NREP: variants seen among roughly 807,000 people sequenced by gnomAD.
The protein encoded by NREP is neuronal regeneration-related protein.
In NREP, 5 loss-of-function variants were observed where a neutral mutation model predicts 8.6. The ratio of observed to expected loss-of-function variants is 0.58; its 90% CI spans 0.30 to 1.22. The LOEUF (loss-of-function observed/expected upper bound fraction) is 1.22, where lower values mean the gene tolerates loss of function less well. NREP is among the 50% of genes most tolerant of loss of function. The probability of loss-of-function intolerance (pLI) is 0.07; values close to 1 mark genes in which losing one functional copy is unlikely to be tolerated. For missense variants in NREP, 86 were observed against 82.5 expected, an observed-to-expected ratio of 1.04 and a Z score of -0.17; for synonymous variants, 27 against 28.0, an observed-to-expected ratio of 0.96 and a Z score of 0.11.
At chr5:111,966,123 A>C (rs1400361995) in intron 2 of NREP, among the ~76,000 whole-genome samples, 2 of 152,202 alleles carry the variant, frequency 1.3e-5, no homozygotes, top group Non-Finnish European at 2.9e-5. Context: ...AAAGATTCAG[A>C]TCTCTCAGGA....
At chr5:111,916,480 C>A (rs371550726) in intron 2 of NREP, among the ~76,000 whole-genome samples, 75 of 152,180 alleles carry the variant, frequency 4.9e-4, no homozygotes, top group African/African-American at 1.8e-3. Flanking sequence ...AGATGGAGTA[C>A]CCTATCATCA....
chr5:111,910,925 A>T (rs944986653), intron 2 of NREP, among the ~76,000 whole-genome samples: 4 of 152,062 alleles, frequency 2.6e-5, no homozygotes, highest in Non-Finnish European at 4.4e-5. Context: ...CCTTCTTGGT[A>T]CTAGAAGCTT....
intron 2 of NREP, among the ~76,000 whole-genome samples, chr5:111,814,310 T>A (rs918878749): frequency 4.6e-5 from 7 of 152,148 alleles, no homozygotes; most frequent in African/African-American, 1.4e-4. Context: ...AAATGTTTAA[T>A]CAAGATACAA....
chr5:111,848,665 G>A (rs1753237469), intron 2 of NREP, among the ~76,000 whole-genome samples: 1 of 142,554 alleles, frequency 7.0e-6, no homozygotes, highest in African/African-American at 2.6e-5. Context: ...CCCATCCCCT[G>A]CCACCTTGAA....
At chr5:111,778,159 G>C (rs1293008937) in intron 2 of NREP, among the ~76,000 whole-genome samples, 1 of 152,144 alleles carries the variant, frequency 6.6e-6, no homozygotes, top group African/African-American at 2.4e-5. Flanking sequence ...GCAGAGGCAA[G>C]TTGCTTGCCA....
At chr5:111,825,459 C>CT (rs1328247904) in intron 2 of NREP, among the ~76,000 whole-genome samples, 4 of 152,112 alleles carry the variant, frequency 2.6e-5, no homozygotes, top group Non-Finnish European at 5.9e-5. Flanking sequence ...TGTTTACTGT[C>CT]TCTCTTTCTA....
chr5:111,847,757 A>T (rs976679610), intron 2 of NREP, among the ~76,000 whole-genome samples: 3 of 152,208 alleles, frequency 2.0e-5, no homozygotes, highest in African/African-American at 7.2e-5. Context: ...GTTTACTAGC[A>T]AATTACAATA....
chr5:111,835,480 G>A (rs1752871134), intron 2 of NREP, among the ~76,000 whole-genome samples: 1 of 152,066 alleles, frequency 6.6e-6, no homozygotes, highest in African/African-American at 2.4e-5. Flanking sequence ...GGCATGAACA[G>A]CTCTTCTATA....
chr5:111,736,747 T>C (rs546165530), intron 2 of NREP, among the ~76,000 whole-genome samples: 3 of 152,334 alleles, frequency 2.0e-5, no homozygotes, highest in East Asian at 1.9e-4. Context: ...CAATTTTGCA[T>C]ACATTACTTA....
chr5:111,957,840 T>C (rs1033129818), intron 2 of NREP, among the ~76,000 whole-genome samples: 5 of 151,806 alleles, frequency 3.3e-5, no homozygotes, highest in Admixed American at 2.0e-4. Flanking sequence ...TAGGGAAAAA[T>C]AGACACTTAA....
intron 2 of NREP, among the ~76,000 whole-genome samples, chr5:111,884,023 T>G (rs9686909): frequency 1.3e-5 from 2 of 151,670 alleles, no homozygotes; most frequent in African/African-American, 2.4e-5. Flanking sequence ...CAAAAAATTA[T>G]TGAATCCAGG....
rs62371572 is a variant in NREP, at chr5:111,778,492, G to A, written c.136-42985C>T. Among the ~76,000 whole-genome samples the A allele has an allele frequency of 8.8e-3, 1,332 of 152,146 alleles. 11 individuals are homozygous for A. Among genetic ancestry groups the A allele is most frequent in the Middle Eastern group, 0.024 (7 of 294 alleles). On this transcript the variant is annotated intron_variant, in intron 2 of 3. Transcript: ENST00000395634. The stretch of plus-strand genomic sequence containing the variant: ...CCATGTCCTTTTTGTCTATTTCATG[G>A]CCAATTGTCAGTAGTATGAATTCCT...
At chr5:111,962,613 T>C (rs776170661) in intron 2 of NREP, among the ~76,000 whole-genome samples, 2 of 152,228 alleles carry the variant, frequency 1.3e-5, no homozygotes, top group Non-Finnish European at 2.9e-5. Flanking sequence ...GTCCAATCCC[T>C]GTTTGCCCAC....
intron 2 of NREP, among the ~76,000 whole-genome samples, chr5:111,921,890 T>C (rs1362684497): frequency 1.3e-5 from 2 of 152,108 alleles, no homozygotes; most frequent in Non-Finnish European, 2.9e-5. Flanking sequence ...TATCAGGGGT[T>C]TCCACTTTTG....
At chr5:111,770,141 G>T (rs955605494) in intron 2 of NREP, among the ~76,000 whole-genome samples, 2 of 152,100 alleles carry the variant, frequency 1.3e-5, no homozygotes, top group Non-Finnish European at 2.9e-5. Flanking sequence ...CCTTCTGCTG[G>T]CTTTGCTTAT....
chr5:111,842,469 A>G (rs562217102), intron 2 of NREP, among the ~76,000 whole-genome samples: 1 of 152,292 alleles, frequency 6.6e-6, no homozygotes, highest in African/African-American at 2.4e-5. Flanking sequence ...ACCACATCCC[A>G]GAACTCTACA....
intron 2 of NREP, among the ~76,000 whole-genome samples, chr5:111,910,866 G>A (rs1232515250): frequency 6.6e-6 from 1 of 152,030 alleles, no homozygotes; most frequent in Non-Finnish European, 1.5e-5. Flanking sequence ...ACTAGTTCAT[G>A]GATAGCTGCT....
At chr5:111,878,713 A>C (rs897908043) in intron 2 of NREP, among the ~76,000 whole-genome samples, 21 of 152,186 alleles carry the variant, frequency 1.4e-4, no homozygotes, top group African/African-American at 5.1e-4. Context: ...AAATGGTAAG[A>C]GGTCGACAGT....
intron 2 of NREP, among the ~76,000 whole-genome samples, chr5:111,909,469 A>G (rs184724535): frequency 1.3e-5 from 2 of 152,166 alleles, no homozygotes; most frequent in East Asian, 3.9e-4. Flanking sequence ...TATTAATAGT[A>G]TATGTTAAAA....
Sources: allele counts gnomAD v4.1 joint callset (sites outside exome capture counted in the v4.1 genomes callset), GRCh38; gene constraint gnomAD v4.1.1; transcripts MANE v1.5; gene names NCBI Gene and HGNC (gene_info 2026-07-23, HGNC 2026-07-21).